The following KCTD16 variants were observed in gnomAD, a reference collection of about 807,000 sequenced individuals.
KCTD16 encodes potassium channel tetramerization domain containing 16.
In KCTD16, 13 loss-of-function variants were observed where a neutral mutation model predicts 33.2. The ratio of observed to expected loss-of-function variants is 0.39; its 90% CI spans 0.25 to 0.62. The LOEUF (loss-of-function observed/expected upper bound fraction) is 0.62, where lower values mean the gene tolerates loss of function less well. Ranked by LOEUF, KCTD16 falls within the 20% of genes least tolerant of loss-of-function variation. The pLI is 0.50. For missense variants in KCTD16, 441 were observed against 525.1 expected, an observed-to-expected ratio of 0.84 and a Z score of 1.57; for synonymous variants, 197 against 195.3, an observed-to-expected ratio of 1.01 and a Z score of -0.07.
At chr5:144,377,974 G>A (rs1580915180) in intron 3 of KCTD16, 3 of 152,266 alleles carry the variant, frequency 2.0e-5, no homozygotes, top group Admixed American at 2.0e-4. Context: ...TGTGTTGTGT[G>A]TGTCCTTGTC....
chr5:144,386,115 C>T (rs1309024471), intron 3 of KCTD16, among the ~76,000 whole-genome samples: 2 of 152,116 alleles, frequency 1.3e-5, no homozygotes, highest in Non-Finnish European at 2.9e-5. Flanking sequence ...ATTAGATTGG[C>T]AGAAAAACTA....
intron 3 of KCTD16, among the ~76,000 whole-genome samples, chr5:144,246,954 T>C (rs920727715): frequency 6.6e-6 from 1 of 152,204 alleles, no homozygotes; most frequent in African/African-American, 2.4e-5. Context: ...AGTGTGATCT[T>C]GAGCAAATCA....
chr5:144,246,240 G>A (rs2065529729), intron 3 of KCTD16, among the ~76,000 whole-genome samples: 1 of 152,054 alleles, frequency 6.6e-6, no homozygotes, highest in African/African-American at 2.4e-5. Context: ...ATCCAGAGTG[G>A]GGCTTGTAAG....
intron 3 of KCTD16, among the ~76,000 whole-genome samples, chr5:144,358,494 A>T (rs934538693): frequency 1.3e-5 from 2 of 152,194 alleles, no homozygotes; most frequent in Non-Finnish European, 2.9e-5. Flanking sequence ...TCAGTTGGTG[A>T]TAGTTCAAAG....
intron 3 of KCTD16, among the ~76,000 whole-genome samples, chr5:144,265,973 C>A (rs1755132018): frequency 1.3e-5 from 2 of 152,058 alleles, no homozygotes; most frequent in African/African-American, 4.8e-5. Context: ...ATGGAAAACT[C>A]AATAGTTTAC....
chr5:144,366,488 A>C (rs534041173), intron 3 of KCTD16, among the ~76,000 whole-genome samples: 1 of 152,186 alleles, frequency 6.6e-6, no homozygotes, highest in Non-Finnish European at 1.5e-5. Context: ...TTTCTAAGAT[A>C]GTGAATTGGG....
intron 3 of KCTD16, among the ~76,000 whole-genome samples, chr5:144,353,350 G>A (rs935454093): frequency 6.6e-6 from 1 of 152,142 alleles, no homozygotes; most frequent in Non-Finnish European, 1.5e-5. Flanking sequence ...CAAGGGAGTG[G>A]AGCTGGAAGA....
At chr5:144,288,733 G>A (rs1755815727) in intron 3 of KCTD16, among the ~76,000 whole-genome samples, 1 of 152,198 alleles carries the variant, frequency 6.6e-6, no homozygotes, top group South Asian at 2.1e-4. Flanking sequence ...ACTTAGGAAG[G>A]CTGAGGCAAG....
At chr5:144,351,766 AG>A (rs1751441456) in intron 3 of KCTD16, among the ~76,000 whole-genome samples, 1 of 152,224 alleles carries the variant, frequency 6.6e-6, no homozygotes, top group African/African-American at 2.4e-5. Flanking sequence ...ATGAAGCTAG[AG>A]GGCATTATGT....
At chr5:144,471,655 G>T (rs1327416078) in intron 3 of KCTD16, among the ~76,000 whole-genome samples, 1 of 152,170 alleles carries the variant, frequency 6.6e-6, no homozygotes, top group Non-Finnish European at 1.5e-5. Flanking sequence ...ATGTATGCTG[G>T]CAGACAGAAA....
chr5:144,311,956 T>C (rs78571494), intron 3 of KCTD16, among the ~76,000 whole-genome samples: 1 of 152,124 alleles, frequency 6.6e-6, no homozygotes, highest in Non-Finnish European at 1.5e-5. Flanking sequence ...CTTTTTTTTT[T>C]CTATTACTAA....
At chr5:144,246,001 A>C (rs1754539709) in intron 3 of KCTD16, among the ~76,000 whole-genome samples, 1 of 152,198 alleles carries the variant, frequency 6.6e-6, no homozygotes, top group Non-Finnish European at 1.5e-5. Context: ...CAGACACTAC[A>C]GGGCTTTTTG....
intron 3 of KCTD16, among the ~76,000 whole-genome samples, chr5:144,432,148 G>A (rs1373203770): frequency 2.0e-5 from 3 of 151,932 alleles, no homozygotes; most frequent in Non-Finnish European, 4.4e-5. Flanking sequence ...CATTTCACTG[G>A]GGTTTGACTT....
At chr5:144,380,558 G>A (rs1752191331) in intron 3 of KCTD16, among the ~76,000 whole-genome samples, 1 of 152,114 alleles carries the variant, frequency 6.6e-6, no homozygotes, top group African/African-American at 2.4e-5. Flanking sequence ...AAAGAACAAA[G>A]CCAGATGCAT....
intron 3 of KCTD16, among the ~76,000 whole-genome samples, chr5:144,340,679 C>T (rs569638107): frequency 2.6e-5 from 4 of 152,078 alleles, no homozygotes; most frequent in Non-Finnish European, 4.4e-5. Flanking sequence ...GAAAAGACAC[C>T]GGAACTTCTC....
intron 3 of KCTD16, among the ~76,000 whole-genome samples, chr5:144,414,414 A>T (rs1411966798): frequency 6.6e-6 from 1 of 152,130 alleles, no homozygotes; most frequent in Non-Finnish European, 1.5e-5. Context: ...GTTTCATGTT[A>T]TTTTTGCAGT....
intron 3 of KCTD16, among the ~76,000 whole-genome samples, chr5:144,249,872 C>T (rs1469859622): frequency 6.6e-6 from 1 of 152,102 alleles, no homozygotes; most frequent in African/African-American, 2.4e-5. Context: ...AAATAACATG[C>T]TAGGTCTCTA....
intron 3 of KCTD16, among the ~76,000 whole-genome samples, chr5:144,402,386 G>T (rs1453326861): frequency 6.6e-6 from 1 of 152,118 alleles, no homozygotes; most frequent in Non-Finnish European, 1.5e-5. Flanking sequence ...TGCCACTTTT[G>T]CACCCTTCGT....
chr5:144,232,331 T>TA (rs1754129335), intron 3 of KCTD16, among the ~76,000 whole-genome samples: 1 of 152,240 alleles, frequency 6.6e-6, no homozygotes, highest in African/African-American at 2.4e-5. Context: ...ACAAAGTTGC[T>TA]AATTACGACA....
Sources: allele counts gnomAD v4.1 joint callset (sites outside exome capture counted in the v4.1 genomes callset), GRCh38; gene constraint gnomAD v4.1.1; transcripts MANE v1.5; gene names NCBI Gene and HGNC (gene_info 2026-07-23, HGNC 2026-07-21).